The following LARGE1 variants were observed in gnomAD, a reference collection of about 807,000 sequenced individuals.
The protein encoded by LARGE1 is xylosyl- and glucuronyltransferase LARGE1.
LARGE1 carries 43 observed loss-of-function variants against 87.6 expected under a neutral mutation model. The ratio of observed to expected loss-of-function variants is 0.49; its 90% CI spans 0.38 to 0.63. The LOEUF is 0.63. LARGE1 is among the 30% of genes least tolerant of loss of function. LARGE1 has a pLI of 0.00. For synonymous variants in LARGE1, 434 were observed against 394.6 expected (o/e 1.10, Z -1.18); for missense variants, 802 against 1,000.2 (o/e 0.80, Z 2.67).
intron 6 of LARGE1, among the ~76,000 whole-genome samples, chr22:33,442,980 G>C (rs2067538115): frequency 6.6e-6 from 1 of 152,008 alleles, no homozygotes; most frequent in Middle Eastern, 3.2e-3. Context: ...TTTTAGTAGA[G>C]ACAGGTTTTC....
intron 11 of LARGE1, among the ~76,000 whole-genome samples, chr22:33,217,675 A>G (rs1352234998): frequency 6.6e-6 from 1 of 152,194 alleles, no homozygotes; most frequent in Non-Finnish European, 1.5e-5. Flanking sequence ...TAGGATATAT[A>G]GTTTGCAGGA....
In LARGE1 at chr22:33,545,264, C is replaced by CTT. The variant is rs57882316; in HGVS notation, c.787+19582_787+19583dup. On this transcript the variant is annotated intron_variant, in intron 6 of 14. Coordinates refer to ENST00000397394, the MANE Select transcript of LARGE1 (RefSeq NM_133642.5). ...CCAGAACACCTATGTCTTTCCTTTT[C>CTT]TTTTTTTTTTTTTTTTTTTAGAGAC... is the stretch of plus-strand genomic sequence containing the variant. Among the ~76,000 whole-genome samples the CTT allele has an allele frequency of 4.5e-5, 6 of 132,036 alleles. No homozygotes were observed. In the East Asian group the frequency reaches 1.3e-3, roughly 29 times the overall value. 86.6% of individuals were successfully genotyped at this position (132,036 alleles called of 152,430 possible).
chr22:33,394,884 T>C (rs2065671047), intron 7 of LARGE1, among the ~76,000 whole-genome samples: 1 of 152,030 alleles, frequency 6.6e-6, no homozygotes, highest in African/African-American at 2.4e-5. Context: ...CCACAGGCCA[T>C]AAGCAGACTG....
intron 3 of LARGE1, among the ~76,000 whole-genome samples, chr22:33,626,888 C>T (rs951830573): frequency 1.3e-5 from 2 of 152,174 alleles, no homozygotes; most frequent in African/African-American, 4.8e-5. Flanking sequence ...AACTAAGTAG[C>T]CAGGAGCATG....
intron 11 of LARGE1, among the ~76,000 whole-genome samples, chr22:33,184,353 A>C (rs1923361333): frequency 6.6e-6 from 1 of 151,168 alleles, no homozygotes; most frequent in African/African-American, 2.4e-5. Flanking sequence ...ACAACAGTCA[A>C]AGAAGAAATC....
the LARGE1 span, among the ~76,000 whole-genome samples, chr22:33,114,043 C>CATTTTTTTTT: frequency 2.4e-5 from 2 of 82,662 alleles, no homozygotes; most frequent in African/African-American, 1.1e-4. Flanking sequence ...GCTAATTTTT[C>CATTTTTTTTT]TATTTTTTTT....
intron 9 of LARGE1, among the ~76,000 whole-genome samples, chr22:33,338,329 C>A (rs1003514237): frequency 6.6e-6 from 1 of 152,148 alleles, no homozygotes; most frequent in African/African-American, 2.4e-5. Context: ...GCAGCTACAT[C>A]CATTCTGCAG....
intron 11 of LARGE1, among the ~76,000 whole-genome samples, chr22:33,197,090 G>A (rs1241247927): frequency 6.6e-6 from 1 of 151,940 alleles, no homozygotes; most frequent in African/African-American, 2.4e-5. Context: ...AAACATTTGA[G>A]AAAATGCAAA....
intron 1 of LARGE1, among the ~76,000 whole-genome samples, chr22:33,876,264 A>G (rs993108254): frequency 6.6e-6 from 1 of 152,124 alleles, no homozygotes; most frequent in Non-Finnish European, 1.5e-5. Flanking sequence ...GGTCCCCATG[A>G]TAACTCCAAC....
chr22:33,409,552 C>A (rs1275014675), intron 7 of LARGE1, among the ~76,000 whole-genome samples: 2 of 152,204 alleles, frequency 1.3e-5, no homozygotes, highest in Admixed American at 6.5e-5. Flanking sequence ...ACTGAAGCAT[C>A]CCCAGAGTCC....
chr22:33,378,659 G>T (rs966160445), intron 9 of LARGE1, among the ~76,000 whole-genome samples: 9 of 152,164 alleles, frequency 5.9e-5, no homozygotes, highest in Non-Finnish European at 1.3e-4. Flanking sequence ...ATATTGTGGG[G>T]TTATTTTCCT....
intron 6 of LARGE1, among the ~76,000 whole-genome samples, chr22:33,480,435 T>C (rs568617761): frequency 6.6e-6 from 1 of 152,302 alleles, no homozygotes; most frequent in Admixed American, 6.5e-5. Flanking sequence ...TCCTGCTCAT[T>C]TCTCTGGTTC....
chr22:33,875,140 A>T (rs2064423972), intron 1 of LARGE1, among the ~76,000 whole-genome samples: 1 of 152,220 alleles, frequency 6.6e-6, no homozygotes, highest in Admixed American at 6.5e-5. Context: ...TATAAGAACC[A>T]TTGCCTCCAG....
chr22:33,882,681 C>T (rs1267380034), intron 1 of LARGE1, among the ~76,000 whole-genome samples: 1 of 152,168 alleles, frequency 6.6e-6, no homozygotes, highest in Non-Finnish European at 1.5e-5. Flanking sequence ...TAAAAGGATG[C>T]ACTGAATTAC....
At chr22:33,917,468 A>T (rs2065821190) in intron 1 of LARGE1, among the ~76,000 whole-genome samples, 1 of 152,242 alleles carries the variant, frequency 6.6e-6, no homozygotes, top group Admixed American at 6.5e-5. Context: ...TTATGTTAAC[A>T]TCTCTAAGTA....
At chr22:33,840,464 T>C (rs1037522794) in intron 1 of LARGE1, among the ~76,000 whole-genome samples, 3 of 152,176 alleles carry the variant, frequency 2.0e-5, no homozygotes, top group Non-Finnish European at 4.4e-5. Context: ...TCTATTAGCT[T>C]GGAGCTGTGA....
At position 33,769,440 on chromosome 22, in the gene LARGE1, G is replaced by C. The variant is rs191728547; in HGVS notation, c.-82-7882C>G. Reference sequence around the variant, plus strand: ...TGTTCATTTTGCCCACTGCTGCCTTGTTCATTACTAGCACAGTATCTAGCA... The same window carrying C: ...TGTTCATTTTGCCCACTGCTGCCTTCTTCATTACTAGCACAGTATCTAGCA... On this transcript the variant is annotated intron_variant, in intron 1 of 14. Coordinates refer to ENST00000397394, the MANE Select transcript of LARGE1 (RefSeq NM_133642.5). Among the ~76,000 whole-genome samples, 78 of 152,284 alleles carry C rather than the reference G, an allele frequency of 5.1e-4. No homozygotes were observed. The Middle Eastern group carries it at 0.014, about 27-fold the overall frequency.
At chr22:33,760,651 G>A (rs544446157) in intron 2 of LARGE1, among the ~76,000 whole-genome samples, 11 of 152,316 alleles carry the variant, frequency 7.2e-5, no homozygotes, top group African/African-American at 2.6e-4. Context: ...GCCAGGCGCA[G>A]TGGCTCACAC....
chr22:33,861,200 C>T (rs1338133127), intron 1 of LARGE1, among the ~76,000 whole-genome samples: 3 of 152,128 alleles, frequency 2.0e-5, no homozygotes, highest in Non-Finnish European at 2.9e-5. Context: ...CTCCAAAGCT[C>T]CACATTAAAG....
Sources: allele counts gnomAD v4.1 joint callset (sites outside exome capture counted in the v4.1 genomes callset), GRCh38; gene constraint gnomAD v4.1.1; transcripts MANE v1.5; gene names NCBI Gene and HGNC (gene_info 2026-07-23, HGNC 2026-07-21).